The following TASP1 variants were observed in gnomAD, a reference collection of about 807,000 sequenced individuals.
TASP1 encodes threonine aspartase 1.
A neutral mutation model predicts 56.6 loss-of-function variants in TASP1; 16 were observed. The observed-to-expected ratio is 0.28, with a 90% CI of 0.19 to 0.43. The LOEUF is 0.43. Among genes scored for constraint, TASP1 ranks in the 20% least tolerant of loss-of-function variants. The pLI, the probability that TASP1 is intolerant of heterozygous loss-of-function variation, is 1.00. For missense variants in TASP1, 393 were observed against 511.6 expected (o/e 0.77, Z 2.24); for synonymous variants, 179 against 184.2 (o/e 0.97, Z 0.23).
intron 8 of TASP1, among the ~76,000 whole-genome samples, chr20:13,554,942 G>C (rs1196268641): frequency 6.6e-6 from 1 of 152,114 alleles, no homozygotes; most frequent in Non-Finnish European, 1.5e-5. Context: ...TAATAAGGAA[G>C]TTTATCACAT....
the TASP1 span, chr20:13,299,460 A>G: frequency 2.5e-6 from 4 of 1,591,064 alleles, no homozygotes; most frequent in African/African-American, 5.4e-5. The surrounding 1 kb of genome is among the most constrained non-coding windows in gnomAD (Gnocchi z 5.8). Context: ...GGAATATTAA[A>G]GAGACTGGGA....
the TASP1 span, among the ~76,000 whole-genome samples, chr20:13,225,162 T>C: frequency 1.3e-5 from 2 of 152,118 alleles, no homozygotes; most frequent in African/African-American, 4.8e-5. Flanking sequence ...CCATACTAGC[T>C]TTCTTAATCC....
chr20:13,234,918 T>C, the TASP1 span, among the ~76,000 whole-genome samples: 1 of 152,226 alleles, frequency 6.6e-6, no homozygotes, highest in African/African-American at 2.4e-5. Flanking sequence ...TCCTACAGAA[T>C]CTGTATTTTG....
chr20:13,429,793 T>C (rs1052524324), intron 12 of TASP1, among the ~76,000 whole-genome samples: 1 of 152,236 alleles, frequency 6.6e-6, no homozygotes, highest in Non-Finnish European at 1.5e-5. Context: ...TAATTACATA[T>C]ACTTATGTCA....
chr20:13,348,875 C>G, the TASP1 span, among the ~76,000 whole-genome samples: 1 of 152,144 alleles, frequency 6.6e-6, no homozygotes, highest in Non-Finnish European at 1.5e-5. Context: ...TCTGGATCCA[C>G]AGCCAATCAA....
At chr20:13,478,545 C>T (rs2097061261) in intron 11 of TASP1, among the ~76,000 whole-genome samples, 1 of 151,874 alleles carries the variant, frequency 6.6e-6, no homozygotes, top group Admixed American at 6.6e-5. Flanking sequence ...ATAGAGTCTA[C>T]AATAGTAGAC....
chr20:13,271,278 T>C, the TASP1 span, among the ~76,000 whole-genome samples: 1 of 152,124 alleles, frequency 6.6e-6, no homozygotes. Flanking sequence ...ATACATGACT[T>C]ACAAAACAAT....
chr20:13,378,555 T>C, the TASP1 span, among the ~76,000 whole-genome samples: 1 of 152,214 alleles, frequency 6.6e-6, no homozygotes. Flanking sequence ...ATTCTGTTGA[T>C]TTGGGGTGGA....
chr20:13,458,426 C>T (rs1372948276), intron 11 of TASP1, among the ~76,000 whole-genome samples: 1 of 152,134 alleles, frequency 6.6e-6, no homozygotes, highest in Non-Finnish European at 1.5e-5. Context: ...TGGCTCACTG[C>T]AACCTCTGCC....
chr20:13,287,471 A>G, the TASP1 span, among the ~76,000 whole-genome samples: 4 of 152,250 alleles, frequency 2.6e-5, no homozygotes, highest in East Asian at 1.9e-4. Context: ...GAGCCAAACC[A>G]TATCAATAGG....
the TASP1 span, among the ~76,000 whole-genome samples, chr20:13,208,701 A>G: frequency 6.6e-6 from 1 of 152,204 alleles, no homozygotes; most frequent in Admixed American, 6.5e-5. Context: ...TATGAGAACA[A>G]GTCCAAGCTA....
chr20:13,503,159 CA>C (rs1485840365), intron 10 of TASP1, among the ~76,000 whole-genome samples: 1 of 152,080 alleles, frequency 6.6e-6, no homozygotes, highest in African/African-American at 2.4e-5. Context: ...CTAACCACTC[CA>C]TGACTCCTTC....
intron 4 of TASP1, among the ~76,000 whole-genome samples, chr20:13,609,545 G>A (rs569489701): frequency 1.3e-4 from 20 of 151,998 alleles, no homozygotes; most frequent in African/African-American, 4.6e-4. Context: ...AAAATTAGTC[G>A]GGCATGGCGG....
chr20:13,128,353 T>A, the TASP1 span, among the ~76,000 whole-genome samples: 45 of 152,272 alleles, frequency 3.0e-4, no homozygotes, highest in African/African-American at 1.0e-3. Context: ...ACCCTGTAGA[T>A]CTCAGTGGCT....
At chr20:13,458,338 T>C (rs1182230723) in intron 11 of TASP1, among the ~76,000 whole-genome samples, 2 of 152,098 alleles carry the variant, frequency 1.3e-5, no homozygotes, top group Non-Finnish European at 2.9e-5. Flanking sequence ...GTTTTTGTTG[T>C]TGTTGTTTTC....
the TASP1 span, among the ~76,000 whole-genome samples, chr20:13,345,443 G>T: frequency 2.0e-5 from 3 of 152,192 alleles, no homozygotes; most frequent in Non-Finnish European, 4.4e-5. Flanking sequence ...ATACTGTAGT[G>T]CCTCCATCCC....
intron 8 of TASP1, among the ~76,000 whole-genome samples, chr20:13,538,808 C>G (rs893054147): frequency 1.3e-5 from 2 of 152,048 alleles, no homozygotes; most frequent in Non-Finnish European, 2.9e-5. Context: ...TTTGGGACGC[C>G]AAGGTGGGTG....
the TASP1 span, among the ~76,000 whole-genome samples, chr20:13,151,145 A>T: frequency 1.3e-5 from 2 of 152,140 alleles, no homozygotes; most frequent in Admixed American, 6.5e-5. Context: ...CACAGCTTCT[A>T]CCAACCAATG....
At chr20:13,219,234 G>A in the TASP1 span, among the ~76,000 whole-genome samples, 1 of 152,174 alleles carries the variant, frequency 6.6e-6, no homozygotes, top group Non-Finnish European at 1.5e-5. Flanking sequence ...ACAACTGGAG[G>A]TTAGAACAAT....
Sources: allele counts gnomAD v4.1 joint callset (sites outside exome capture counted in the v4.1 genomes callset), GRCh38; gene constraint gnomAD v4.1.1; non-coding constraint Gnocchi (gnomAD v3.1); transcripts MANE v1.5; gene names NCBI Gene and HGNC (gene_info 2026-07-23, HGNC 2026-07-21).